MGAT3: variants seen among roughly 807,000 people sequenced by gnomAD.
MGAT3 encodes the protein beta-1,4-mannosyl-glycoprotein 4-beta-N-acetylglucosaminyltransferase, also known as GlcNAc-T III.
In MGAT3, 9 loss-of-function variants were observed where a neutral mutation model predicts 29.8. The observed-to-expected ratio is 0.30, with a 90% CI of 0.18 to 0.53. The LOEUF (loss-of-function observed/expected upper bound fraction) is 0.53, where lower values mean the gene tolerates loss of function less well. Among genes scored for constraint, MGAT3 ranks in the 20% least tolerant of loss-of-function variants. The pLI is 0.96. For missense variants in MGAT3, 557 were observed against 769.5 expected (o/e 0.72, Z 3.27); for synonymous variants, 397 against 348.9 (o/e 1.14, Z -1.54).
At chr22:39,467,804 A>G (rs1028044013) in intron 1 of MGAT3, among the ~76,000 whole-genome samples, 7 of 139,820 alleles carry the variant, frequency 5.0e-5, no homozygotes, top group African/African-American at 1.9e-4. Flanking sequence ...ATCTCGGCTC[A>G]GTCTCAAAAA....
intron 1 of MGAT3, among the ~76,000 whole-genome samples, chr22:39,474,969 C>T (rs573769765): frequency 2.0e-5 from 3 of 152,070 alleles, no homozygotes; most frequent in South Asian, 2.1e-4. Context: ...ACTGAGGATC[C>T]GAGATGGAAA....
rs1231794663 is a variant in MGAT3, at chr22:39,457,244, CCCCGCGCG to C, written c.-309_-302del. The C allele has an allele frequency of 1.2e-4, 17 of 145,758 alleles. No individual in the cohort carries two copies. Among genetic ancestry groups the C allele is most frequent in the Non-Finnish European group, 1.7e-4 (11 of 65,444 alleles). The allele number at this position is 145,758 out of a possible 1,614,324, so 9.0% of individuals were successfully genotyped here. A position where few individuals can be genotyped will look rare whatever the true frequency, so the allele number is the denominator to read the frequency against. On this transcript the variant is annotated 5_prime_UTR_variant, in exon 1 of 2. Transcript: ENST00000341184. This position sits in a 1 kb window ranked among gnomAD's most constrained non-coding sequence, Gnocchi z 6.8. Reference sequence around the variant, plus strand: ...CCGCGCTCGGCCTCGCCTCCGCGCCCCCCGCGCGCCCGCCGCGGTCCCTCCCCCGCGCC... The same window carrying C: ...CCGCGCTCGGCCTCGCCTCCGCGCCCCCCGCCGCGGTCCCTCCCCCGCGCC...
At chr22:39,459,898 G>A (rs1260296311) in intron 1 of MGAT3, among the ~76,000 whole-genome samples, 1 of 152,268 alleles carries the variant, frequency 6.6e-6, no homozygotes, top group Non-Finnish European at 1.5e-5. Context: ...GATGCCAGCT[G>A]GCGGGCCAGG....
rs757737373 is a variant in MGAT3, at chr22:39,487,321, G to C, written c.-1-26G>C. The C allele has an allele frequency of 6.3e-7, 1 of 1,597,426 alleles. No individual in the cohort carries two copies. The highest frequency in any genetic ancestry group is 8.5e-7 in the Non-Finnish European group (1 of 1,172,744). ...AAAGGAGCCTGGGCTGCCCTGATGA[G>C]TCTCCTGTCTCTCTCTCTCCCGCAG... is the stretch of plus-strand genomic sequence containing the variant. On this transcript the variant is annotated intron_variant, in intron 1 of 1. Transcript: ENST00000341184. This position sits in a 1 kb window ranked among gnomAD's most constrained non-coding sequence, Gnocchi z 5.7.
At chr22:39,459,664 T>C (rs551951737) in intron 1 of MGAT3, among the ~76,000 whole-genome samples, 151 of 151,662 alleles carry the variant, frequency 1.0e-3, no homozygotes, top group South Asian at 2.1e-3. Flanking sequence ...GATGAGGTTT[T>C]GCTATGTTGG....
intron 1 of MGAT3, among the ~76,000 whole-genome samples, chr22:39,479,186 A>G (rs1288415078): frequency 6.6e-6 from 1 of 151,986 alleles, no homozygotes; most frequent in African/African-American, 2.4e-5. Flanking sequence ...AAAAATGTTT[A>G]AAAAATCAGC....
At chr22:39,478,107 G>A (rs1929020356) in intron 1 of MGAT3, among the ~76,000 whole-genome samples, 2 of 152,246 alleles carry the variant, frequency 1.3e-5, no homozygotes. Context: ...CATGGGGCAG[G>A]ACCAGGCCGG....
chr22:39,491,686 T>G lies in MGAT3; in HGVS notation c.*2737T>G, dbSNP rs1929457679. 6.0e-6 allele frequency: 1 copy of G among 167,202 alleles called. No homozygotes were observed. Among genetic ancestry groups the G allele is most frequent in the Non-Finnish European group, 1.5e-5 (1 of 68,260 alleles). The allele number at this position is 167,202 out of a possible 1,614,324, so 10.4% of individuals were successfully genotyped here. On this transcript the variant is annotated 3_prime_UTR_variant, in exon 2 of 2. Coordinates refer to ENST00000341184, the MANE Select transcript of MGAT3 (RefSeq NM_002409.5). The surrounding 1 kb of genome is among the most constrained non-coding windows in gnomAD (Gnocchi z 5.5). ...AGGGCTGGGGGCCAGGGCACAGGAT[T>G]GAAGAGTTTCACATATCATCACAGC...
chr22:39,488,870 CG>C lies in MGAT3; in HGVS notation c.1525del (p.Ala509ArgfsTer29). 1 of 1,599,848 alleles carries C rather than the reference CG, an allele frequency of 6.3e-7. No individual in the cohort carries two copies. Among genetic ancestry groups the C allele is most frequent in the Non-Finnish European group, 8.5e-7 (1 of 1,173,876 alleles). ...AACCCCTACCAGGAGCCCAGGAGCA[CG>C]GCGGCGGGCGGGTGGCGCCACAGGG... ...LDNPYQEPRS[T>X]AAGGWRHRGP... On this transcript the variant is annotated frameshift_variant, in exon 2 of 2. Transcript: ENST00000341184.
In MGAT3 at chr22:39,457,113, C is replaced by A. The variant is rs1289057161; in HGVS notation, c.-446C>A. On this transcript the variant is annotated 5_prime_UTR_variant, in exon 1 of 2. Transcript: ENST00000341184. This position sits in a 1 kb window ranked among gnomAD's most constrained non-coding sequence, Gnocchi z 6.8. ...TCTGCGGTGCGAGGCGCCCCCGGCC[C>A]GGCGCGGCGGCGGAGCCCGGCTGGC... Among the ~76,000 whole-genome samples the A allele has an allele frequency of 1.4e-5, 2 of 143,856 alleles. No homozygotes were observed. The highest frequency in any genetic ancestry group is 5.0e-5 in the African/African-American group (2 of 40,330). 94.4% of individuals were successfully genotyped at this position (143,856 alleles called of 152,430 possible). A position where few individuals can be genotyped will look rare whatever the true frequency, so the allele number is the denominator to read the frequency against.
chr22:39,458,747 A>G (rs1453316382), intron 1 of MGAT3, among the ~76,000 whole-genome samples: 1 of 152,160 alleles, frequency 6.6e-6, no homozygotes, highest in Non-Finnish European at 1.5e-5. Context: ...GTTGTGGGCC[A>G]AGGGAATGGC....
At chr22:39,475,919 T>G (rs1928945827) in intron 1 of MGAT3, 1 of 152,300 alleles carries the variant, frequency 6.6e-6, no homozygotes, top group East Asian at 1.9e-4. Flanking sequence ...ACATACAGCC[T>G]GGGTAACATA....
At chr22:39,478,947 C>A (rs1408159845) in intron 1 of MGAT3, among the ~76,000 whole-genome samples, 1 of 152,232 alleles carries the variant, frequency 6.6e-6, no homozygotes, top group Non-Finnish European at 1.5e-5. Context: ...ATGGCCACTG[C>A]CTGAGGCCTG....
chr22:39,467,638 C>T (rs1399055160), intron 1 of MGAT3, among the ~76,000 whole-genome samples: 1 of 151,730 alleles, frequency 6.6e-6, no homozygotes, highest in Non-Finnish European at 1.5e-5. Flanking sequence ...TTGCTTCCTT[C>T]TTTTTTCTTT....
intron 1 of MGAT3, among the ~76,000 whole-genome samples, chr22:39,480,023 A>T (rs1929078692): frequency 6.6e-6 from 1 of 152,148 alleles, no homozygotes. Flanking sequence ...TTATACATGG[A>T]GGAGTTGAGG....
intron 1 of MGAT3, chr22:39,486,144 A>AT (rs34708754): frequency 7.5e-3 from 2,733 of 362,030 alleles, no homozygotes; most frequent in South Asian, 0.01. Context: ...TAGACCTCAA[A>AT]TTTTTTTTTT....
intron 1 of MGAT3, among the ~76,000 whole-genome samples, chr22:39,459,002 C>T (rs1417006138): frequency 6.6e-6 from 1 of 152,110 alleles, no homozygotes. Flanking sequence ...TAAGGGTCTG[C>T]CTGGTGCCCT....
At position 39,490,749 on chromosome 22, in the gene MGAT3, T is replaced by C. The variant is rs925177526; in HGVS notation, c.*1800T>C. The C allele has an allele frequency of 6.0e-6, 1 of 166,872 alleles. No homozygotes were observed. The highest frequency in any genetic ancestry group is 1.5e-5 in the Non-Finnish European group (1 of 68,122). 10.3% of individuals were successfully genotyped at this position (166,872 alleles called of 1,614,324 possible). A position where few individuals can be genotyped will look rare whatever the true frequency, so the allele number is the denominator to read the frequency against. On this transcript the variant is annotated 3_prime_UTR_variant, in exon 2 of 2. Coordinates refer to ENST00000341184, the MANE Select transcript of MGAT3 (RefSeq NM_002409.5). The stretch of plus-strand genomic sequence containing the variant: ...TTTATGGGCATGGGTGCATGCTTGG[T>C]GTGTATTTGTACATGTCTGTATTGC...
intron 1 of MGAT3, among the ~76,000 whole-genome samples, chr22:39,472,245 T>C (rs1174873696): frequency 6.6e-6 from 1 of 152,104 alleles, no homozygotes; most frequent in African/African-American, 2.4e-5. Flanking sequence ...TCCAAAAGGC[T>C]ATGGACTCCT....
Sources: allele counts gnomAD v4.1 joint callset (sites outside exome capture counted in the v4.1 genomes callset), GRCh38; gene constraint gnomAD v4.1.1; non-coding constraint Gnocchi (gnomAD v3.1); transcripts MANE v1.5; gene names NCBI Gene and HGNC (gene_info 2026-07-23, HGNC 2026-07-21).